The following CIMIP4 variants were observed in gnomAD, a reference collection of about 807,000 sequenced individuals.
CIMIP4 encodes the protein protein EAN57.
chr22:36,995,795 C>T, the CIMIP4 span, among the ~76,000 whole-genome samples: 3 of 152,160 alleles, frequency 2.0e-5, no homozygotes, highest in African/African-American at 4.8e-5. Flanking sequence ...GAGGCCTCCC[C>T]AGCTACATGG....
chr22:36,998,104 T>A, the CIMIP4 span, among the ~76,000 whole-genome samples: 1 of 152,246 alleles, frequency 6.6e-6, no homozygotes, highest in African/African-American at 2.4e-5. Context: ...ACAGTTCTAC[T>A]TCCCAGGTGG....
chr22:36,995,588 G>T, the CIMIP4 span, among the ~76,000 whole-genome samples: 312 of 152,210 alleles, frequency 2.0e-3, 2 homozygotes, highest in African/African-American at 7.3e-3. Context: ...CCCACATGAA[G>T]TTCACCAAAC....
chr22:36,992,089 C>T, the CIMIP4 span, among the ~76,000 whole-genome samples: 1 of 152,228 alleles, frequency 6.6e-6, no homozygotes, highest in Admixed American at 6.5e-5. Flanking sequence ...TGGCTCACGC[C>T]TGTAATCCCA....
At chr22:37,007,447 TCTC>T in the CIMIP4 span, 24 of 152,314 alleles carry the variant, frequency 1.6e-4, no homozygotes, top group East Asian at 4.5e-3. Flanking sequence ...AAGTTTTCTT[TCTC>T]CTCCTATCCC....
the CIMIP4 span, among the ~76,000 whole-genome samples, chr22:37,006,097 C>T: frequency 1.3e-5 from 2 of 152,176 alleles, no homozygotes; most frequent in African/African-American, 2.4e-5. Flanking sequence ...GGCTCCTCAA[C>T]AGGAGCCTCA....
chr22:36,994,134 G>GC, the CIMIP4 span, among the ~76,000 whole-genome samples: 1 of 152,162 alleles, frequency 6.6e-6, no homozygotes, highest in African/African-American at 2.4e-5. Flanking sequence ...AGGCAAAATT[G>GC]ACAGAACCAC....
At chr22:37,003,071 C>A in the CIMIP4 span, among the ~76,000 whole-genome samples, 1 of 152,246 alleles carries the variant, frequency 6.6e-6, no homozygotes, top group South Asian at 2.1e-4. Flanking sequence ...TCCAAAACTT[C>A]AAGTCCTCTT....
At chr22:36,998,966 C>T in the CIMIP4 span, among the ~76,000 whole-genome samples, 4 of 152,078 alleles carry the variant, frequency 2.6e-5, no homozygotes, top group African/African-American at 4.8e-5. Flanking sequence ...CCCACTGTAC[C>T]GAGAAGGCAG....
the CIMIP4 span, among the ~76,000 whole-genome samples, chr22:37,001,528 C>T: frequency 1.6e-4 from 25 of 152,182 alleles, no homozygotes; most frequent in Admixed American, 3.9e-4. Flanking sequence ...CAGAATCTGC[C>T]GACCCAGTTT....
chr22:37,001,255 G>A, the CIMIP4 span, among the ~76,000 whole-genome samples: 15 of 151,544 alleles, frequency 9.9e-5, no homozygotes, highest in East Asian at 2.1e-3. Context: ...GTTGTGATAC[G>A]CTCACCATGT....
the CIMIP4 span, among the ~76,000 whole-genome samples, chr22:37,005,434 G>C: frequency 2.6e-5 from 4 of 152,194 alleles, no homozygotes; most frequent in Admixed American, 2.6e-4. Context: ...GGTACTAACA[G>C]TGGGGTGTTG....
the CIMIP4 span, among the ~76,000 whole-genome samples, chr22:37,000,943 G>C: frequency 3.9e-5 from 6 of 152,242 alleles, no homozygotes; most frequent in East Asian, 1.2e-3. Flanking sequence ...CTGACCCCCA[G>C]CTTTTGTGAC....
the CIMIP4 span, chr22:37,001,928 G>C: frequency 6.2e-7 from 1 of 1,613,658 alleles, no homozygotes; most frequent in South Asian, 1.1e-5. Context: ...GTTCGTGGGC[G>C]TGCTCCTCTG....
At chr22:36,992,843 G>A in the CIMIP4 span, among the ~76,000 whole-genome samples, 2 of 151,450 alleles carry the variant, frequency 1.3e-5, no homozygotes, top group Admixed American at 6.6e-5. Flanking sequence ...TGGGCGCGGT[G>A]GCTCACGCCT....
the CIMIP4 span, among the ~76,000 whole-genome samples, chr22:36,992,657 C>T: frequency 1.3e-5 from 2 of 152,096 alleles, no homozygotes; most frequent in Non-Finnish European, 2.9e-5. Context: ...TATTTATAAA[C>T]TAAGTTCTCT....
the CIMIP4 span, among the ~76,000 whole-genome samples, chr22:36,995,961 C>A: frequency 6.6e-6 from 1 of 152,126 alleles, no homozygotes; most frequent in East Asian, 1.9e-4. Flanking sequence ...TTATAGACAC[C>A]ATTGTCCTAG....
chr22:36,999,751 A>C, the CIMIP4 span: 1 of 1,512,288 alleles, frequency 6.6e-7, no homozygotes, highest in South Asian at 1.3e-5. Context: ...CCTAGACCCC[A>C]TATGGAGTGG....
the CIMIP4 span, among the ~76,000 whole-genome samples, chr22:37,005,963 T>G: frequency 1.1e-4 from 16 of 152,192 alleles, no homozygotes; most frequent in Non-Finnish European, 1.8e-4. Context: ...CGACCTGTTG[T>G]TAAAACTTCA....
At chr22:36,997,514 G>A in the CIMIP4 span, among the ~76,000 whole-genome samples, 1 of 152,148 alleles carries the variant, frequency 6.6e-6, no homozygotes, top group Non-Finnish European at 1.5e-5. Context: ...TTACCTCCCT[G>A]AGCTGCTATA....
Sources: allele counts gnomAD v4.1 joint callset (sites outside exome capture counted in the v4.1 genomes callset), GRCh38; gene constraint gnomAD v4.1.1; transcripts MANE v1.5; gene names NCBI Gene and HGNC (gene_info 2026-07-23, HGNC 2026-07-21).